TGFB3: variants seen among roughly 807,000 people sequenced by gnomAD.
TGFB3 encodes transforming growth factor beta 3.
TGFB3 carries 5 observed loss-of-function variants against 40.1 expected under a neutral mutation model. That is an observed-to-expected ratio of 0.12 (90% CI 0.07 to 0.26). The LOEUF (loss-of-function observed/expected upper bound fraction) is 0.26, where lower values mean the gene tolerates loss of function less well. Ranked by LOEUF, TGFB3 falls within the 10% of genes least tolerant of loss-of-function variation. TGFB3 has a pLI of 1.00. For synonymous variants in TGFB3, 184 were observed against 205.6 expected, an observed-to-expected ratio of 0.89 and a Z score of 0.90; for missense variants, 373 against 530.1, an observed-to-expected ratio of 0.70 and a Z score of 2.91.
chr14:75,974,032 G>A (rs2035324231), intron 1 of TGFB3, among the ~76,000 whole-genome samples: 1 of 151,950 alleles, frequency 6.6e-6, no homozygotes, highest in Admixed American at 6.6e-5. Flanking sequence ...CCCAGCTACT[G>A]AGGAGGTTGA....
chr14:75,968,831 C>T (rs1014412656), intron 3 of TGFB3, among the ~76,000 whole-genome samples: 27 of 152,142 alleles, frequency 1.8e-4, no homozygotes, highest in African/African-American at 6.5e-4. Context: ...TGTGACTTGC[C>T]TGGGCTCCGT....
At chr14:75,974,764 CAAAAA>C (rs763057157) in intron 1 of TGFB3, among the ~76,000 whole-genome samples, 1 of 110,830 alleles carries the variant, frequency 9.0e-6, no homozygotes, top group African/African-American at 3.6e-5. Flanking sequence ...GACTCCATCT[CAAAAA>C]AAAAAAAAAA....
At chr14:75,965,488 G>T in intron 4 of TGFB3, 100 bp downstream of exon 4, 2 of 985,118 alleles carry the variant, frequency 2.0e-6, no homozygotes, top group South Asian at 1.3e-5. Flanking sequence ...GAAGGAGCTT[G>T]GTTTCTTTTC....
In TGFB3 at chr14:75,971,599, T is replaced by G; in HGVS notation, c.472A>C (p.Asn158His). The G allele has an allele frequency of 6.2e-7, 1 of 1,614,234 alleles. No individual in the cohort carries two copies. Among genetic ancestry groups the G allele is most frequent in the Non-Finnish European group, 8.5e-7 (1 of 1,180,040 alleles). ...TGCTCATTCCGCTTAGAGCTGGGGTTGGGCACCCGCAAGACCCGGAATTCT... is the reference window on the plus strand; with the variant it reads ...TGCTCATTCCGCTTAGAGCTGGGGTGGGGCACCCGCAAGACCCGGAATTCT... The part of the protein sequence containing the change: ...RAEFRVLRVP[N>H]PSSKRNEQRI... The change falls in exon 2 of 7, where the codon AAC (asparagine) becomes CAC (histidine). Residue 158 changes from asparagine to histidine, a missense_variant. Transcript: ENST00000238682. This position sits in a 1 kb window ranked among gnomAD's most constrained non-coding sequence, Gnocchi z 4.5.
chr14:75,976,857 C>T (rs990451362), intron 1 of TGFB3, among the ~76,000 whole-genome samples: 7 of 152,194 alleles, frequency 4.6e-5, no homozygotes, highest in Non-Finnish European at 8.8e-5. Context: ...TTTGCCATCC[C>T]TCTAAGAAAA....
In TGFB3 at chr14:75,979,951, C is replaced by T. The variant is rs1393667692; in HGVS notation, c.352+591G>A. ...CCACACACACAGCTCACGTGGGTCT[C>T]GTGGGTCACGTGGGTGGGGTAGACC... On this transcript the variant is annotated intron_variant, in intron 1 of 6. Coordinates refer to ENST00000238682, the MANE Select transcript of TGFB3 (RefSeq NM_003239.5). This position sits in a 1 kb window ranked among gnomAD's most constrained non-coding sequence, Gnocchi z 4.8. 6.6e-6 allele frequency among the ~76,000 whole-genome samples: 1 copy of T among 152,202 alleles called. No individual in the cohort carries two copies. Among genetic ancestry groups the T allele is most frequent in the Non-Finnish European group, 1.5e-5 (1 of 68,034 alleles).
chr14:75,971,068 T>A lies in TGFB3; in HGVS notation c.646+58A>T, dbSNP rs748689601. ...ATTCTGTCCTCTTCCCTCCATTTCATGGAGGACTAAGGGACCTGAGGTTCA... is the reference window on the plus strand; with the variant it reads ...ATTCTGTCCTCTTCCCTCCATTTCAAGGAGGACTAAGGGACCTGAGGTTCA... On this transcript the variant is annotated intron_variant, in intron 3 of 6. Transcript: ENST00000238682. The surrounding 1 kb of genome is among the most constrained non-coding windows in gnomAD (Gnocchi z 4.5). 2.5e-5 allele frequency: 41 copies of A among 1,608,328 alleles called. No individual in the cohort carries two copies. Among genetic ancestry groups the A allele is most frequent in the Non-Finnish European group, 3.1e-5 (36 of 1,178,634 alleles).
intron 5 of TGFB3, 34 bp from the exon 6 acceptor site, chr14:75,961,110 A>G (rs1269530833): frequency 6.2e-7 from 1 of 1,612,882 alleles, no homozygotes; most frequent in Non-Finnish European, 8.5e-7. Flanking sequence ...AAATCAACTT[A>G]AAACCACCAA....
chr14:75,976,227 A>AT (rs1566684722), intron 1 of TGFB3, among the ~76,000 whole-genome samples: 1 of 152,170 alleles, frequency 6.6e-6, no homozygotes, highest in African/African-American at 2.4e-5. Flanking sequence ...CTGGCTGCAC[A>AT]TTAGAATCAC....
chr14:75,962,021 C>T (rs1439918790), intron 5 of TGFB3, among the ~76,000 whole-genome samples: 1 of 152,192 alleles, frequency 6.6e-6, no homozygotes, highest in Non-Finnish European at 1.5e-5. Flanking sequence ...TTCCCCTTCC[C>T]TCATTCCTTC....
Position 75,980,635 on chromosome 14 carries a change from T to A in TGFB3, c.259A>T (p.Arg87Trp). The change falls in exon 1 of 7, where the codon AGG becomes TGG. Residue 87 changes from arginine (R) to tryptophan (W), a missense_variant. Coordinates refer to ENST00000238682, the MANE Select transcript of TGFB3 (RefSeq NM_003239.5). The surrounding 1 kb of genome is among the most constrained non-coding windows in gnomAD (Gnocchi z 4.3). Reference protein sequence around the residue: ...RELLEEMHGEREEGCTQENTE... With the variant: ...RELLEEMHGEWEEGCTQENTE... ...TTTTCCTGGGTGCAGCCTTCCTCCC[T>A]CTCCCCATGCATCTCCTCCAGCAGC... The A allele has an allele frequency of 6.2e-7, 1 of 1,614,148 alleles. No individual in the cohort carries two copies. The highest frequency in any genetic ancestry group is 8.5e-7 in the Non-Finnish European group (1 of 1,180,020).
chr14:75,961,002 T>C lies in TGFB3; in HGVS notation c.1001A>G (p.His334Arg), dbSNP rs1021920873. 17 of 1,614,138 alleles carry C rather than the reference T, an allele frequency of 1.1e-5. No individual in the cohort carries two copies. Among genetic ancestry groups the C allele is most frequent in the East Asian group, 2.2e-5 (1 of 44,902 alleles). Residue 334 changes from histidine (H) to arginine (R), a missense_variant, in exon 6 of 7, where the codon CAT (histidine) becomes CGT (arginine). Transcript: ENST00000238682. ...GTTGGCATAGTAGCCCTTAGGTTCA[T>C]GGACCCACTTCCAGCCCAGATCCTG... ...FRQDLGWKWV[H>R]EPKGYYANFC...
At position 75,971,051 on chromosome 14, in the gene TGFB3, C is replaced by A. The variant is rs536776064; in HGVS notation, c.646+75G>T. The stretch of plus-strand genomic sequence containing the variant: ...GATCTCTGACTCCCTTAATTCTGTC[C>A]TCTTCCCTCCATTTCATGGAGGACT... On this transcript the variant is annotated intron_variant, in intron 3 of 6. Transcript: ENST00000238682. This position sits in a 1 kb window ranked among gnomAD's most constrained non-coding sequence, Gnocchi z 4.5. The A allele has an allele frequency of 1.3e-5, 21 of 1,599,644 alleles. No individual in the cohort carries two copies. The highest frequency in any genetic ancestry group is 1.7e-5 in the Non-Finnish European group (20 of 1,174,002).
Position 75,980,235 on chromosome 14 carries a change from T to C in TGFB3, c.352+307A>G, listed in dbSNP as rs986537352. ...ACGATCGCATGTGCAAGAATACATA[T>C]GTTTCCCTGGACAGCACAATGTAAT... On this transcript the variant is annotated intron_variant, in intron 1 of 6. Transcript: ENST00000238682. This position sits in a 1 kb window ranked among gnomAD's most constrained non-coding sequence, Gnocchi z 4.3. Among the ~76,000 whole-genome samples, 1 of 152,268 alleles carries C rather than the reference T, an allele frequency of 6.6e-6. No homozygotes were observed. The highest frequency in any genetic ancestry group is 3.4e-3 in the Middle Eastern group (1 of 294).
At chr14:75,973,464 G>A (rs547073708) in intron 1 of TGFB3, among the ~76,000 whole-genome samples, 1 of 152,356 alleles carries the variant, frequency 6.6e-6, no homozygotes, top group Admixed American at 6.5e-5. Context: ...TACTGCCAAC[G>A]ATTCCCTAAA....
In TGFB3 at chr14:75,981,094, A is replaced by T; in HGVS notation, c.-201T>A. 1 of 623,384 alleles carries T rather than the reference A, an allele frequency of 1.6e-6. No individual in the cohort carries two copies. Among genetic ancestry groups the T allele is most frequent in the South Asian group, 1.8e-5 (1 of 54,362 alleles). 38.6% of individuals were successfully genotyped at this position (623,384 alleles called of 1,614,324 possible). On this transcript the variant is annotated 5_prime_UTR_variant, in exon 1 of 7. Coordinates refer to ENST00000238682, the MANE Select transcript of TGFB3 (RefSeq NM_003239.5). The surrounding 1 kb of genome is among the most constrained non-coding windows in gnomAD (Gnocchi z 4.7). ...GCGCTGGCAACCCTGAGGACGAAGAAGCGGACTGTGTGCCTTGTAGCGCTG... is the reference window on the plus strand; with the variant it reads ...GCGCTGGCAACCCTGAGGACGAAGATGCGGACTGTGTGCCTTGTAGCGCTG...
chr14:75,971,378 C>A lies in TGFB3; in HGVS notation c.517-123G>T, dbSNP rs762371791. ...AGTGGTTCCTGAATGCCATGGCCCTCGAGCACCTTAGCTAACTCTTAAGTG... is the reference window on the plus strand; with the variant it reads ...AGTGGTTCCTGAATGCCATGGCCCTAGAGCACCTTAGCTAACTCTTAAGTG... On this transcript the variant is annotated intron_variant, in intron 2 of 6. Coordinates refer to ENST00000238682, the MANE Select transcript of TGFB3 (RefSeq NM_003239.5). The surrounding 1 kb of genome is among the most constrained non-coding windows in gnomAD (Gnocchi z 4.5). The A allele has an allele frequency of 2.6e-6, 4 of 1,541,578 alleles. No homozygotes were observed. In the Admixed American group the frequency reaches 5.5e-5, roughly 21 times the overall value.
At chr14:75,959,834 T>G (rs1029198347) in intron 6 of TGFB3, among the ~76,000 whole-genome samples, 1 of 151,408 alleles carries the variant, frequency 6.6e-6, no homozygotes, top group African/African-American at 2.4e-5. Context: ...GTGTAGTTGC[T>G]GTTCATCCAC....
chr14:75,968,810 T>C (rs3917183), intron 3 of TGFB3, among the ~76,000 whole-genome samples: 3,590 of 152,234 alleles, frequency 0.024, 156 homozygotes, highest in African/African-American at 0.082. Context: ...GATGGGGAAT[T>C]TTCTCATTTA....
Sources: allele counts gnomAD v4.1 joint callset (sites outside exome capture counted in the v4.1 genomes callset), GRCh38; gene constraint gnomAD v4.1.1; non-coding constraint Gnocchi (gnomAD v3.1); transcripts MANE v1.5; gene names NCBI Gene and HGNC (gene_info 2026-07-23, HGNC 2026-07-21).